Variants in PRDM1 observed in about 807,000 individuals in gnomAD.
The protein encoded by PRDM1 is PR domain zinc finger protein 1.
Under a neutral mutation model 62.8 loss-of-function variants are expected in PRDM1, and 13 were observed. The observed-to-expected ratio is 0.21, with a 90% CI of 0.13 to 0.33. The LOEUF (loss-of-function observed/expected upper bound fraction) is 0.33. PRDM1 is among the 10% of genes least tolerant of loss of function. The pLI, the probability that PRDM1 is intolerant of heterozygous loss-of-function variation, is 1.00. For synonymous variants in PRDM1, 396 were observed against 417.6 expected, an observed-to-expected ratio of 0.95 and a Z score of 0.63; for missense variants, 895 against 1,058.8, an observed-to-expected ratio of 0.85 and a Z score of 2.15.
chr6:106,000,389 T>C (rs1772413313), intron 1 of PRDM1, among the ~76,000 whole-genome samples: 1 of 152,188 alleles, frequency 6.6e-6, no homozygotes, highest in South Asian at 2.1e-4. Context: ...TCAAGGCTGC[T>C]GTGAGCTATG....
At chr6:106,017,954 A>G (rs1772644331) in intron 1 of PRDM1, among the ~76,000 whole-genome samples, 1 of 152,260 alleles carries the variant, frequency 6.6e-6, no homozygotes, top group South Asian at 2.1e-4. Context: ...AACATGGTGT[A>G]CCTGTAGGGC....
chr6:106,085,684 C>T (rs1739285835), upstream of PRDM1, among the ~76,000 whole-genome samples: 1 of 152,166 alleles, frequency 6.6e-6, no homozygotes, highest in Non-Finnish European at 1.5e-5. Flanking sequence ...ATTTTACTTA[C>T]ACTCCTGGGA....
At chr6:105,998,581 A>G (rs1772379182) in intron 1 of PRDM1, among the ~76,000 whole-genome samples, 1 of 152,104 alleles carries the variant, frequency 6.6e-6, no homozygotes, top group South Asian at 2.1e-4. Context: ...ATGACAGTTA[A>G]TTTTACTTTA....
chr6:106,089,987 A>C (rs1432135893), intron 2 of PRDM1, among the ~76,000 whole-genome samples: 2 of 152,306 alleles, frequency 1.3e-5, no homozygotes, highest in East Asian at 3.9e-4. Flanking sequence ...TTCAGCTCTT[A>C]GCTTAAGTTT....
intron 3 of PRDM1, among the ~76,000 whole-genome samples, chr6:106,097,422 C>T (rs1003730427): frequency 1.3e-5 from 2 of 152,240 alleles, no homozygotes; most frequent in African/African-American, 4.8e-5. Context: ...TTGAATCAGT[C>T]TTTCACATGC....
intron 1 of PRDM1, 86 bp from the exon 2 acceptor site, chr6:106,088,115 G>A (rs61416771): frequency 1.4e-6 from 2 of 1,473,180 alleles, no homozygotes; most frequent in Middle Eastern, 2.5e-4. Context: ...AAAGTCTTCA[G>A]ACTACTGTAT....
rs377085334 is a variant in PRDM1 at position 106,086,533 on chromosome 6, G to A, written c.-21G>A. 2 of 1,551,526 alleles carry A rather than the reference G, an allele frequency of 1.3e-6. No homozygotes were observed. Among genetic ancestry groups the A allele is most frequent in the Non-Finnish European group, 1.7e-6 (2 of 1,146,302 alleles). On this transcript the variant is annotated 5_prime_UTR_variant, in exon 1 of 7. Transcript: ENST00000369096. ...GCGGGGAGAATGTGGACTGGGTAGA[G>A]ATGAACGAGACTTTTCTCAGATGTT...
At chr6:106,015,783 C>CT (rs1045829822) in intron 1 of PRDM1, among the ~76,000 whole-genome samples, 41 of 146,848 alleles carry the variant, frequency 2.8e-4, no homozygotes, top group East Asian at 9.8e-4. Flanking sequence ...CCTTTTCTTT[C>CT]TTTTTTTTTT....
chr6:106,041,981 A>G (rs1773004665), intron 1 of PRDM1, among the ~76,000 whole-genome samples: 1 of 150,428 alleles, frequency 6.6e-6, no homozygotes, highest in African/African-American at 2.4e-5. Context: ...CTAATTTTTG[A>G]TATTTTTGTA....
At chr6:106,104,148 T>C (rs1719320421) in intron 4 of PRDM1, among the ~76,000 whole-genome samples, 1 of 152,206 alleles carries the variant, frequency 6.6e-6, no homozygotes, top group South Asian at 2.1e-4. Context: ...AGAAAGACTT[T>C]TATTAACCTA....
At chr6:106,073,909 G>C (rs889509184) in intron 1 of PRDM1, among the ~76,000 whole-genome samples, 6 of 152,160 alleles carry the variant, frequency 3.9e-5, no homozygotes, top group Non-Finnish European at 7.3e-5. Context: ...CAAATGTTAG[G>C]GTTTCTGCAG....
intron 1 of PRDM1, among the ~76,000 whole-genome samples, chr6:106,023,711 C>T (rs1772729209): frequency 1.3e-5 from 2 of 152,148 alleles, no homozygotes; most frequent in Admixed American, 1.3e-4. Flanking sequence ...TGTTCGCATG[C>T]AATTGTCCCA....
chr6:106,073,755 G>C (rs1228859447), intron 1 of PRDM1, among the ~76,000 whole-genome samples: 1 of 152,174 alleles, frequency 6.6e-6, no homozygotes, highest in Non-Finnish European at 1.5e-5. Flanking sequence ...TGAGGAGGGA[G>C]GCCTGGCTAT....
intron 1 of PRDM1, among the ~76,000 whole-genome samples, chr6:106,056,380 C>G (rs1468764664): frequency 6.6e-6 from 1 of 152,132 alleles, no homozygotes; most frequent in African/African-American, 2.4e-5. Flanking sequence ...TTGGCCATTC[C>G]TAGAATGTAA....
At chr6:106,043,187 C>T (rs1272273825) in intron 1 of PRDM1, among the ~76,000 whole-genome samples, 1 of 152,140 alleles carries the variant, frequency 6.6e-6, no homozygotes, top group African/African-American at 2.4e-5. Flanking sequence ...TTAAAAGTCA[C>T]CTCACAGAGT....
At chr6:106,079,161 C>T (rs1316407553) in intron 1 of PRDM1, among the ~76,000 whole-genome samples, 4 of 151,960 alleles carry the variant, frequency 2.6e-5, no homozygotes, top group Admixed American at 2.6e-4. Flanking sequence ...GACGGGGTTT[C>T]ACCATGTTGG....
rs9480635 is a variant in PRDM1 at position 106,021,358 on chromosome 6, C to T, written c.-67+27719C>T. ...GAAAAGCCAAGAAAGGCTGTGTGCTCTTGCACACAGTGAAGTGAGTGGCAG... is the reference window on the plus strand; with the variant it reads ...GAAAAGCCAAGAAAGGCTGTGTGCTTTTGCACACAGTGAAGTGAGTGGCAG... On this transcript the variant is annotated intron_variant, in intron 1 of 6. Coordinates refer to the PRDM1 transcript ENST00000652320. Among the ~76,000 whole-genome samples the T allele has an allele frequency of 7.4e-3, 1,131 of 152,302 alleles. 10 individuals are homozygous for T. The highest frequency in any genetic ancestry group is 0.026 in the African/African-American group (1,075 of 41,560).
At chr6:106,102,831 C>T (rs572818222) in intron 4 of PRDM1, among the ~76,000 whole-genome samples, 86 of 152,186 alleles carry the variant, frequency 5.7e-4, no homozygotes, top group Non-Finnish European at 1.0e-3. Context: ...CCATTTTATT[C>T]GAGCGGCATC....
Position 106,012,550 on chromosome 6 carries a change from C to T in PRDM1, c.-67+18911C>T, listed in dbSNP as rs142056365. On this transcript the variant is annotated intron_variant, in intron 1 of 6. Transcript: ENST00000652320. ...CACACACTGGCATACCAGCCCCACA[C>T]ACCCAACACTCCCCACACACATCCC... Among the ~76,000 whole-genome samples, 1,330 of 152,010 alleles carry T rather than the reference C, an allele frequency of 8.7e-3. 15 individuals carry two copies. The highest frequency in any genetic ancestry group is 0.014 in the Non-Finnish European group (947 of 67,958).
Sources: allele counts gnomAD v4.1 joint callset (sites outside exome capture counted in the v4.1 genomes callset), GRCh38; gene constraint gnomAD v4.1.1; transcripts MANE v1.5; gene names NCBI Gene and HGNC (gene_info 2026-07-23, HGNC 2026-07-21).